BNC2: variants seen among roughly 807,000 people sequenced by gnomAD.
BNC2 encodes basonuclin zinc finger protein 2.
A neutral mutation model predicts 76.3 loss-of-function variants in BNC2; 20 were observed. That is an observed-to-expected ratio of 0.26 (90% CI 0.18 to 0.38). BNC2 has a LOEUF of 0.38. BNC2 is among the 10% of genes least tolerant of loss of function. BNC2 has a pLI of 1.00. For synonymous variants in BNC2, 582 were observed against 514.8 expected, an observed-to-expected ratio of 1.13 and a Z score of -1.77; for missense variants, 1,382 against 1,399.8, an observed-to-expected ratio of 0.99 and a Z score of 0.20.
chr9:16,595,241 C>T (rs1195890538), intron 3 of BNC2, among the ~76,000 whole-genome samples: 1 of 152,034 alleles, frequency 6.6e-6, no homozygotes, highest in African/African-American at 2.4e-5. Context: ...ATTTTAATAC[C>T]TTCTATTGTA....
intron 1 of BNC2, among the ~76,000 whole-genome samples, chr9:16,767,218 A>G (rs893353093): frequency 6.6e-6 from 1 of 152,212 alleles, no homozygotes; most frequent in East Asian, 1.9e-4. Flanking sequence ...CCAGTCAATT[A>G]AATCTCAAGT....
chr9:16,727,280 C>CA (rs2134981092), intron 3 of BNC2: 1 of 158,384 alleles, frequency 6.3e-6, no homozygotes, highest in African/African-American at 2.4e-5. Flanking sequence ...TCGGCGCTGG[C>CA]AGCCAAGCCT....
At chr9:16,556,971 T>C (rs747309420) in intron 4 of BNC2, among the ~76,000 whole-genome samples, 10 of 152,082 alleles carry the variant, frequency 6.6e-5, no homozygotes, top group Non-Finnish European at 1.2e-4. Context: ...TGTCATAAAA[T>C]CTGTAAGCTG....
intron 1 of BNC2, among the ~76,000 whole-genome samples, chr9:16,805,279 A>G (rs1018163912): frequency 1.3e-5 from 2 of 152,144 alleles, no homozygotes; most frequent in African/African-American, 4.8e-5. Flanking sequence ...GTAGCCAAAC[A>G]CATGAATTCC....
chr9:16,809,771 T>C (rs1322643107), intron 1 of BNC2, among the ~76,000 whole-genome samples: 1 of 152,080 alleles, frequency 6.6e-6, no homozygotes, highest in Non-Finnish European at 1.5e-5. Flanking sequence ...TGCAAGACTC[T>C]GTCTCAAAAA....
At chr9:16,864,795 C>A (rs1447926917) in intron 1 of BNC2, among the ~76,000 whole-genome samples, 3 of 151,902 alleles carry the variant, frequency 2.0e-5, no homozygotes, top group East Asian at 3.9e-4. Flanking sequence ...GACAGTGGGG[C>A]CTTTCGGTTT....
chr9:16,659,776 C>T (rs997816447), intron 3 of BNC2, among the ~76,000 whole-genome samples: 3 of 152,030 alleles, frequency 2.0e-5, no homozygotes, highest in African/African-American at 4.8e-5. Context: ...CTTGGCCACA[C>T]GATGTAAAAT....
At chr9:16,556,916 T>A (rs1459230000) in intron 4 of BNC2, among the ~76,000 whole-genome samples, 3 of 152,132 alleles carry the variant, frequency 2.0e-5, no homozygotes, top group Admixed American at 6.6e-5. Context: ...GTGACAACTT[T>A]TGGGGAAGTA....
chr9:16,655,316 G>A (rs1370051775), intron 3 of BNC2, among the ~76,000 whole-genome samples: 3 of 152,058 alleles, frequency 2.0e-5, no homozygotes, highest in African/African-American at 4.8e-5. Flanking sequence ...AATATGGGGG[G>A]ACAGTGCTTA....
intron 1 of BNC2, among the ~76,000 whole-genome samples, chr9:16,852,034 G>A (rs142971984): frequency 1.9e-3 from 295 of 152,272 alleles, no homozygotes; most frequent in African/African-American, 6.8e-3. Context: ...CTTTTGAAGA[G>A]TGGGAACAGA....
intron 1 of BNC2, among the ~76,000 whole-genome samples, chr9:16,766,935 G>C (rs753211984): frequency 3.7e-4 from 57 of 152,300 alleles, no homozygotes; most frequent in Admixed American, 1.0e-3. Flanking sequence ...ACCAAAGAGA[G>C]GAAAGAGGGA....
intron 5 of BNC2, among the ~76,000 whole-genome samples, chr9:16,465,761 A>G (rs1275845666): frequency 2.0e-5 from 3 of 152,230 alleles, no homozygotes; most frequent in African/African-American, 7.2e-5. Context: ...GCTATCTAAA[A>G]AAAGTTCCAC....
chr9:16,761,933 G>C (rs1433407069), intron 1 of BNC2, among the ~76,000 whole-genome samples: 1 of 152,118 alleles, frequency 6.6e-6, no homozygotes. Flanking sequence ...TAAGGTAACA[G>C]AAGTAAAATT....
intron 5 of BNC2, among the ~76,000 whole-genome samples, chr9:16,530,764 G>C (rs1245540677): frequency 6.6e-6 from 1 of 152,228 alleles, no homozygotes; most frequent in Non-Finnish European, 1.5e-5. Flanking sequence ...CTGACAAGAA[G>C]AGAAATGAGT....
chr9:16,822,018 G>A (rs567802107), intron 1 of BNC2, among the ~76,000 whole-genome samples: 6 of 149,906 alleles, frequency 4.0e-5, no homozygotes, highest in Middle Eastern at 3.4e-3. Flanking sequence ...GCATGAACCC[G>A]GAAAGCGGAG....
intron 5 of BNC2, among the ~76,000 whole-genome samples, chr9:16,486,907 C>T (rs1286786154): frequency 9.2e-5 from 14 of 152,010 alleles, no homozygotes; most frequent in Non-Finnish European, 1.5e-4. Context: ...ATAGAGATAA[C>T]GTCTCGCTAT....
At chr9:16,421,673 C>G (rs1381102279) in intron 6 of BNC2, among the ~76,000 whole-genome samples, 1 of 152,170 alleles carries the variant, frequency 6.6e-6, no homozygotes, top group East Asian at 1.9e-4. Context: ...TCCTTGGTGT[C>G]AGATGGCAGA....
At chr9:16,448,831 T>C (rs1205362077) in intron 5 of BNC2, among the ~76,000 whole-genome samples, 3 of 152,240 alleles carry the variant, frequency 2.0e-5, no homozygotes, top group Non-Finnish European at 4.4e-5. Context: ...ACAAGGCTGT[T>C]AATGGATCTA....
chr9:16,782,910 A>C (rs1334906158), intron 1 of BNC2, among the ~76,000 whole-genome samples: 1 of 152,190 alleles, frequency 6.6e-6, no homozygotes, highest in Non-Finnish European at 1.5e-5. Context: ...TCTACCTTAG[A>C]AGCTAGGCAT....
Sources: gnomAD v4.1 joint callset for allele counts (sites outside exome capture counted in the v4.1 genomes callset) on GRCh38, gnomAD v4.1.1 for gene constraint, MANE v1.5 for transcripts, NCBI Gene and HGNC (gene_info 2026-07-23, HGNC 2026-07-21) for gene names.